Variants in MPHOSPH9 observed in about 807,000 individuals in gnomAD.
MPHOSPH9 encodes M-phase phosphoprotein 9.
A neutral mutation model predicts 145.5 loss-of-function variants in MPHOSPH9; 88 were observed. The observed-to-expected ratio is 0.60, with a 90% CI of 0.51 to 0.72. MPHOSPH9 has a LOEUF of 0.72. Ranked by LOEUF, MPHOSPH9 falls within the 30% of genes least tolerant of loss-of-function variation. The pLI is 0.00. For synonymous variants in MPHOSPH9, 435 were observed against 486.2 expected, an observed-to-expected ratio of 0.89 and a Z score of 1.39; for missense variants, 1,238 against 1,386.6, an observed-to-expected ratio of 0.89 and a Z score of 1.70.
chr12:123,165,507 C>G (rs769861310), intron 17 of MPHOSPH9, 30 bp from the exon 18 acceptor site: 15 of 1,592,376 alleles, frequency 9.4e-6, no homozygotes, highest in Non-Finnish European at 1.1e-5. Flanking sequence ...ACATACAGTG[C>G]TATGGACTAA....
chr12:123,192,887 G>C (rs1415541276), intron 13 of MPHOSPH9, among the ~76,000 whole-genome samples: 1 of 151,186 alleles, frequency 6.6e-6, no homozygotes, highest in Admixed American at 6.6e-5. Context: ...AGACCAGCCT[G>C]GCCAGCATGG....
At chr12:123,191,741 T>A (rs943969090) in intron 13 of MPHOSPH9, among the ~76,000 whole-genome samples, 1 of 152,116 alleles carries the variant, frequency 6.6e-6, no homozygotes, top group African/African-American at 2.4e-5. Flanking sequence ...ATGGACATGC[T>A]CAAAGAATGA....
chr12:123,227,741 A>G, intron 2 of MPHOSPH9, 125 bp from the exon 3 acceptor site: 1 of 765,896 alleles, frequency 1.3e-6, no homozygotes, highest in Non-Finnish European at 1.8e-6. Context: ...ATGGCACCTC[A>G]TTTGTTCAAA....
intron 23 of MPHOSPH9, among the ~76,000 whole-genome samples, chr12:123,158,163 T>C (rs2043951496): frequency 6.6e-6 from 1 of 152,082 alleles, no homozygotes; most frequent in African/African-American, 2.4e-5. Context: ...CTCATTTTCA[T>C]ATTTTTAGTA....
At chr12:123,179,604 G>C (rs1429446057) in intron 15 of MPHOSPH9, among the ~76,000 whole-genome samples, 2 of 151,680 alleles carry the variant, frequency 1.3e-5, no homozygotes, top group African/African-American at 4.8e-5. Flanking sequence ...AATCAGCCAG[G>C]CATGATGATG....
chr12:123,218,345 G>A, intron 6 of MPHOSPH9, 31 bp downstream of exon 6: 3 of 1,613,076 alleles, frequency 1.9e-6, no homozygotes, highest in Non-Finnish European at 2.5e-6. Context: ...ATCAGTACTG[G>A]AGCCCGCAGG....
chr12:123,202,610 A>C lies in MPHOSPH9; in HGVS notation c.1781+14T>G. The C allele has an allele frequency of 6.3e-7, 1 of 1,595,236 alleles. No homozygotes were observed. The highest frequency in any genetic ancestry group is 8.6e-7 in the Non-Finnish European group (1 of 1,165,420). ...AATCTATTAACATTACAAGCCATTC[A>C]CTGAAATACATACTTAGACAATATC... On this transcript the variant is annotated intron_variant, in intron 10 of 23. Transcript: ENST00000606320.
intron 23 of MPHOSPH9, 63 bp from the exon 24 acceptor site, chr12:123,156,971 A>T: frequency 8.0e-7 from 1 of 1,243,092 alleles, no homozygotes; most frequent in Non-Finnish European, 1.1e-6. Context: ...AATCACCACC[A>T]AACTGACCTT....
chr12:123,196,385 T>C (rs1430338672), intron 12 of MPHOSPH9, among the ~76,000 whole-genome samples: 1 of 152,142 alleles, frequency 6.6e-6, no homozygotes, highest in Non-Finnish European at 1.5e-5. Flanking sequence ...TCCACCAAAA[T>C]TTTGTTCATA....
At chr12:123,236,657 A>G (rs1440609058), upstream of MPHOSPH9, among the ~76,000 whole-genome samples, 1 of 152,200 alleles carries the variant, frequency 6.6e-6, no homozygotes, top group African/African-American at 2.4e-5. Context: ...AACAAACACA[A>G]GGCATCGTTA....
intron 16 of MPHOSPH9, among the ~76,000 whole-genome samples, chr12:123,172,713 G>A (rs978332134): frequency 6.6e-6 from 1 of 152,008 alleles, no homozygotes; most frequent in East Asian, 1.9e-4. Flanking sequence ...TTACTCAGGG[G>A]CCTCACAAAA....
chr12:123,235,537 T>C (rs2047833461), upstream of MPHOSPH9, among the ~76,000 whole-genome samples: 1 of 151,660 alleles, frequency 6.6e-6, no homozygotes. Context: ...GCTAATTTTT[T>C]TTTTTTTTGT....
intron 16 of MPHOSPH9, among the ~76,000 whole-genome samples, chr12:123,175,779 T>G (rs1341994999): frequency 1.3e-5 from 2 of 151,012 alleles, no homozygotes; most frequent in Non-Finnish European, 2.9e-5. Context: ...CTCTCTCTTT[T>G]ATCTCTCTCA....
At chr12:123,182,818 G>A (rs2045248235) in intron 13 of MPHOSPH9, among the ~76,000 whole-genome samples, 1 of 151,818 alleles carries the variant, frequency 6.6e-6, no homozygotes, top group Non-Finnish European at 1.5e-5. Context: ...GGTGGCTGAG[G>A]TGGGAGAACT....
At chr12:123,157,756 G>A (rs2137832685) in intron 23 of MPHOSPH9, among the ~76,000 whole-genome samples, 1 of 151,830 alleles carries the variant, frequency 6.6e-6, no homozygotes, top group South Asian at 2.1e-4. Flanking sequence ...CAAAGTGCTG[G>A]GATTATAGGC....
chr12:123,188,244 A>G (rs1204778664), intron 13 of MPHOSPH9, among the ~76,000 whole-genome samples: 1 of 152,218 alleles, frequency 6.6e-6, no homozygotes, highest in East Asian at 1.9e-4. Context: ...AAAAGGCTTG[A>G]CAATACCAAG....
At position 123,221,334 on chromosome 12, in the gene MPHOSPH9, G is replaced by A. The variant is rs771648430; in HGVS notation, c.872+38C>T. The A allele has an allele frequency of 4.1e-6, 6 of 1,453,042 alleles. No individual in the cohort carries two copies. In the South Asian group the frequency reaches 6.8e-5, roughly 16 times the overall value. 90.0% of individuals were successfully genotyped at this position (1,453,042 alleles called of 1,614,324 possible). On this transcript the variant is annotated intron_variant, in intron 5 of 23. Coordinates refer to ENST00000606320, the MANE Select transcript of MPHOSPH9 (RefSeq NM_022782.4). ...TTAAAAGGAACACTAGATTCTAAAT[G>A]TAATAAACTCCCTTCAAATGATAGA...
chr12:123,232,244 C>A (rs1412022875), intron 1 of MPHOSPH9, among the ~76,000 whole-genome samples: 1 of 151,910 alleles, frequency 6.6e-6, no homozygotes, highest in East Asian at 1.9e-4. Flanking sequence ...TAAGGTAATC[C>A]GGATCCGGAT....
At chr12:123,152,791 G>A, downstream of MPHOSPH9, 1 of 315,754 alleles carries the variant, frequency 3.2e-6, no homozygotes, top group South Asian at 2.5e-5. Context: ...ACCTGCAACT[G>A]TCAACCATAC....
Sources: gnomAD v4.1 joint callset for allele counts (sites outside exome capture counted in the v4.1 genomes callset) on GRCh38, gnomAD v4.1.1 for gene constraint, MANE v1.5 for transcripts, NCBI Gene and HGNC (gene_info 2026-07-23, HGNC 2026-07-21) for gene names.